The following ISY1 variants were observed in gnomAD, a reference collection of about 807,000 sequenced individuals.
ISY1 encodes the protein ISY1 spliceosome associated protein, also known as pre-mRNA-splicing factor ISY1 homolog.
A neutral mutation model predicts 54.4 loss-of-function variants in ISY1; 12 were observed. That is an observed-to-expected ratio of 0.22 (90% CI 0.14 to 0.36). The LOEUF (loss-of-function observed/expected upper bound fraction) is 0.36, where lower values mean the gene tolerates loss of function less well. Ranked by LOEUF, ISY1 falls within the 10% of genes least tolerant of loss-of-function variation. The probability of loss-of-function intolerance (pLI) is 1.00; values close to 1 mark genes in which losing one functional copy is unlikely to be tolerated. For synonymous variants in ISY1, 96 were observed against 117.9 expected, an observed-to-expected ratio of 0.81 and a Z score of 1.20; for missense variants, 282 against 342.2, an observed-to-expected ratio of 0.82 and a Z score of 1.39.
chr3:129,150,896 G>T (rs1936946229), intron 5 of ISY1, among the ~76,000 whole-genome samples: 1 of 151,604 alleles, frequency 6.6e-6, no homozygotes, highest in South Asian at 2.1e-4. Context: ...GCTGAAGCAG[G>T]CAGATATCAC....
intron 1 of ISY1, among the ~76,000 whole-genome samples, chr3:129,159,503 C>A (rs1937241174): frequency 6.6e-6 from 1 of 152,070 alleles, no homozygotes; most frequent in Non-Finnish European, 1.5e-5. Flanking sequence ...GGCTGGTGTC[C>A]TCTATCAAGG....
chr3:129,150,785 A>T (rs1268843066), intron 5 of ISY1, among the ~76,000 whole-genome samples: 8 of 151,690 alleles, frequency 5.3e-5, no homozygotes, highest in Non-Finnish European at 1.0e-4. Context: ...ATAGCACTTT[A>T]AAAAAATGTT....
chr3:129,160,908 T>C, intron 1 of ISY1, 65 bp downstream of exon 1: 1 of 904,642 alleles, frequency 1.1e-6, no homozygotes, highest in Non-Finnish European at 1.8e-6. Flanking sequence ...GCGCCCCAGG[T>C]GGACTGGGCG....
In ISY1 at chr3:129,128,647, A is replaced by C. The variant is rs1177453496; in HGVS notation, c.*1434T>G. ...AGCCACACACGGCTCTGCCACCCCCAGTCTGAGCTGCTCCCCGCAGACCAA... is the reference window on the plus strand; with the variant it reads ...AGCCACACACGGCTCTGCCACCCCCCGTCTGAGCTGCTCCCCGCAGACCAA... On this transcript the variant is annotated 3_prime_UTR_variant, in exon 11 of 11. Coordinates refer to ENST00000393295, the MANE Select transcript of ISY1 (RefSeq NM_020701.4). The C allele has an allele frequency of 6.5e-6, 1 of 153,222 alleles. No homozygotes were observed. Among genetic ancestry groups the C allele is most frequent in the Admixed American group, 6.5e-5 (1 of 15,290 alleles). 9.5% of individuals were successfully genotyped at this position (153,222 alleles called of 1,614,324 possible). A position where few individuals can be genotyped will look rare whatever the true frequency, so the allele number is the denominator to read the frequency against.
At chr3:129,152,978 G>GT (rs1937022404) in intron 5 of ISY1, among the ~76,000 whole-genome samples, 1 of 150,698 alleles carries the variant, frequency 6.6e-6, no homozygotes, top group Admixed American at 6.7e-5. Context: ...TTTTAGAAAG[G>GT]TATTTAGAAA....
chr3:129,147,559 A>C lies in ISY1; in HGVS notation c.188-1686T>G, dbSNP rs76344191. Among the ~76,000 whole-genome samples the C allele has an allele frequency of 1.7e-3, 258 of 152,242 alleles. 2 individuals are homozygous for C. Among genetic ancestry groups the C allele is most frequent in the African/African-American group, 6.0e-3 (250 of 41,560 alleles). The stretch of plus-strand genomic sequence containing the variant: ...CAAAGCAAAGGGAGAGGATTCCAGA[A>C]GCCTCTCCCAAAGCAAAGCCAAGGC... On this transcript the variant is annotated intron_variant, in intron 5 of 10. Transcript: ENST00000393295.
At chr3:129,149,788 CAAAAAA>C (rs369302599) in intron 5 of ISY1, among the ~76,000 whole-genome samples, 2 of 83,574 alleles carry the variant, frequency 2.4e-5, no homozygotes, top group Non-Finnish European at 2.2e-5. Flanking sequence ...GACTCCAACT[CAAAAAA>C]AAAAAAAAAA....
chr3:129,160,918 G>GGCCCGGGGGGGGGGGGGGGGGCC lies in ISY1; in HGVS notation c.3+54_3+55insGGCCCCCCCCCCCCCCCCCGGGC. 5 of 666,126 alleles carry GGCCCGGGGGGGGGGGGGGGGGCC rather than the reference G, an allele frequency of 7.5e-6. 2 individuals are homozygous for GGCCCGGGGGGGGGGGGGGGGGCC. The highest frequency in any genetic ancestry group is 1.4e-5 in the Non-Finnish European group (5 of 364,542). 41.3% of individuals were successfully genotyped at this position (666,126 alleles called of 1,614,324 possible). A position where few individuals can be genotyped will look rare whatever the true frequency, so the allele number is the denominator to read the frequency against. On this transcript the variant is annotated intron_variant, in intron 1 of 10. Transcript: ENST00000393295. ...AATGAGCGCCCCAGGTGGACTGGGCGCCCCCCCGCCCGCCCGCCCATCCAC... is the reference window on the plus strand; with the variant it reads ...AATGAGCGCCCCAGGTGGACTGGGCGGCCCGGGGGGGGGGGGGGGGGCCCCCCCCCGCCCGCCCGCCCATCCAC...
At chr3:129,135,106 T>G in intron 7 of ISY1, 152 bp from the exon 8 acceptor site, 1 of 1,092,116 alleles carries the variant, frequency 9.2e-7, no homozygotes, top group Non-Finnish European at 1.2e-6. Context: ...CCTAGCGCTT[T>G]GGGAGGCCCA....
intron 9 of ISY1, among the ~76,000 whole-genome samples, chr3:129,132,265 C>A (rs1422252205): frequency 6.6e-6 from 1 of 152,142 alleles, no homozygotes; most frequent in African/African-American, 2.4e-5. Context: ...TGAGATACAA[C>A]CACTGGGGGG....
chr3:129,149,770 A>C (rs1464212268), intron 5 of ISY1, among the ~76,000 whole-genome samples: 1 of 132,544 alleles, frequency 7.5e-6, no homozygotes, highest in South Asian at 2.6e-4. Flanking sequence ...GCCTGGGCGA[A>C]AGAGCAAGAC....
chr3:129,134,808 G>T (rs1162819332), intron 8 of ISY1, 24 bp downstream of exon 8: 1 of 1,590,582 alleles, frequency 6.3e-7, no homozygotes, highest in South Asian at 1.1e-5. Flanking sequence ...CATCTATTAT[G>T]AAATAAAATG....
chr3:129,145,163 A>G (rs546427308), intron 6 of ISY1, among the ~76,000 whole-genome samples: 2 of 151,856 alleles, frequency 1.3e-5, no homozygotes, highest in Non-Finnish European at 2.9e-5. Flanking sequence ...ATCCTGTCTC[A>G]GCCTCCCAAA....
chr3:129,134,030 TG>T, intron 9 of ISY1, 43 bp downstream of exon 9: 1 of 1,612,190 alleles, frequency 6.2e-7, no homozygotes, highest in Non-Finnish European at 8.5e-7. Context: ...CTTCATGGCT[TG>T]GAACAGATGG....
rs912279673 is a variant in ISY1, at chr3:129,147,526, G to A, written c.188-1653C>T. On this transcript the variant is annotated intron_variant, in intron 5 of 10. Transcript: ENST00000393295. The stretch of plus-strand genomic sequence containing the variant: ...CTCAAGGCAGCCCAATCCTCTGAGG[G>A]CCTCAACCAAAGCAAAGGGAGAGGA... Among the ~76,000 whole-genome samples the A allele has an allele frequency of 2.6e-5, 4 of 152,086 alleles. No homozygotes were observed. In the East Asian group the frequency reaches 7.7e-4, roughly 29 times the overall value.
chr3:129,130,273 G>A, intron 10 of ISY1, 85 bp from the exon 11 acceptor site: 4 of 1,490,598 alleles, frequency 2.7e-6, no homozygotes, highest in South Asian at 2.8e-5. Context: ...GTCCCCGTGG[G>A]AGAAGTCCAT....
intron 7 of ISY1, 49 bp from the exon 8 acceptor site, chr3:129,135,003 C>T: frequency 1.9e-6 from 3 of 1,560,084 alleles, no homozygotes; most frequent in Non-Finnish European, 2.6e-6. Flanking sequence ...AATCACACTC[C>T]AGCGAAGCTG....
chr3:129,148,118 G>A (rs1258795727), intron 5 of ISY1, among the ~76,000 whole-genome samples: 3 of 151,842 alleles, frequency 2.0e-5, no homozygotes, highest in Non-Finnish European at 2.9e-5. Context: ...CATAAGCCAC[G>A]GTGCCTAGCC....
chr3:129,158,680 A>T lies in ISY1; in HGVS notation c.27-121T>A, dbSNP rs558093367. On this transcript the variant is annotated intron_variant, in intron 2 of 10. Coordinates refer to ENST00000393295, the MANE Select transcript of ISY1 (RefSeq NM_020701.4). ...CCATATTTAATGTCATTCATATACA[A>T]ATATTGTAATTAAGAAACCACAGAA... The T allele has an allele frequency of 6.8e-5, 89 of 1,302,574 alleles. No individual in the cohort carries two copies. The African/African-American group carries it at 1.2e-3, about 18-fold the overall frequency. 80.7% of individuals were successfully genotyped at this position (1,302,574 alleles called of 1,614,324 possible). A position where few individuals can be genotyped will look rare whatever the true frequency, so the allele number is the denominator to read the frequency against.
Sources: allele counts gnomAD v4.1 joint callset (sites outside exome capture counted in the v4.1 genomes callset), GRCh38; gene constraint gnomAD v4.1.1; transcripts MANE v1.5; gene names NCBI Gene and HGNC (gene_info 2026-07-23, HGNC 2026-07-21).